Variants in SEPTIN7 observed in about 807,000 individuals in gnomAD.
SEPTIN7 encodes the protein septin 7.
A neutral mutation model predicts 63.3 loss-of-function variants in SEPTIN7; 10 were observed. The observed-to-expected ratio is 0.16, with a 90% CI of 0.10 to 0.27. SEPTIN7 has a LOEUF of 0.27. Ranked by LOEUF, SEPTIN7 falls within the 10% of genes least tolerant of loss-of-function variation. The pLI is 1.00. For synonymous variants in SEPTIN7, 131 were observed against 165.3 expected, an observed-to-expected ratio of 0.79 and a Z score of 1.59; for missense variants, 310 against 521.0, an observed-to-expected ratio of 0.59 and a Z score of 3.94.
rs1392954458 is a variant in SEPTIN7, at chr7:35,906,460, GCCAGC to G, written c.*2169_*2173del. ...AAAATTCAGGTAGGCCTAAGGAAAG[GCCAGC>G]CTGTAGAAAGCAAAATGGCAGTGTC... On this transcript the variant is annotated 3_prime_UTR_variant, in exon 14 of 14. Coordinates refer to ENST00000350320, the MANE Select transcript of SEPTIN7 (RefSeq NM_001788.6). 7 of 152,236 alleles carry G rather than the reference GCCAGC, an allele frequency of 4.6e-5. No individual in the cohort carries two copies. Among genetic ancestry groups the G allele is most frequent in the Admixed American group, 2.6e-4 (4 of 15,276 alleles). The allele number at this position is 152,236 out of a possible 1,614,324, so 9.4% of individuals were successfully genotyped here.
chr7:35,913,548 C>T, the SEPTIN7 span, among the ~76,000 whole-genome samples: 1 of 136,162 alleles, frequency 7.3e-6, no homozygotes, highest in African/African-American at 2.8e-5. Context: ...TCCTTCTTTC[C>T]TTCCTTCCTT....
At chr7:35,910,470 C>G (rs964853413), downstream of SEPTIN7, among the ~76,000 whole-genome samples, 1 of 152,140 alleles carries the variant, frequency 6.6e-6, no homozygotes, top group Non-Finnish European at 1.5e-5. Flanking sequence ...ACAGATGGGT[C>G]TAGTAATGGT....
At chr7:35,882,974 C>G (rs1255779624) in intron 8 of SEPTIN7, among the ~76,000 whole-genome samples, 1 of 151,998 alleles carries the variant, frequency 6.6e-6, no homozygotes, top group Non-Finnish European at 1.5e-5. Context: ...GGAGTAAGTT[C>G]TAGCGTTCTG....
intron 3 of SEPTIN7, among the ~76,000 whole-genome samples, chr7:35,858,364 GTTC>G (rs1785315150): frequency 6.6e-6 from 1 of 152,068 alleles, no homozygotes; most frequent in Admixed American, 6.5e-5. Context: ...GCTGATTTCT[GTTC>G]TTTTTTTGAG....
intron 12 of SEPTIN7, chr7:35,901,286 T>G (rs956316812): frequency 6.6e-6 from 1 of 152,210 alleles, no homozygotes; most frequent in Non-Finnish European, 1.5e-5. Flanking sequence ...AGTTAATTTT[T>G]AAGTTAAGCT....
At chr7:35,833,005 C>G (rs1444456243) in intron 3 of SEPTIN7, 105 bp downstream of exon 3, 3 of 686,072 alleles carry the variant, frequency 4.4e-6, no homozygotes, top group Non-Finnish European at 7.8e-6. Flanking sequence ...CTACAGTGAT[C>G]ATATCTTTGT....
chr7:35,851,292 T>G (rs1784945019), intron 3 of SEPTIN7, among the ~76,000 whole-genome samples: 1 of 152,132 alleles, frequency 6.6e-6, no homozygotes, highest in African/African-American at 2.4e-5. Flanking sequence ...TTGTAAATAT[T>G]ATGTTTTGTT....
intron 10 of SEPTIN7, among the ~76,000 whole-genome samples, chr7:35,887,263 A>T (rs112220030): frequency 6.6e-6 from 1 of 152,234 alleles, no homozygotes; most frequent in Admixed American, 6.5e-5. Flanking sequence ...ATGGCATTCT[A>T]TAACTTTTTC....
intron 1 of SEPTIN7, among the ~76,000 whole-genome samples, chr7:35,804,039 G>A (rs1788170823): frequency 6.6e-6 from 1 of 152,194 alleles, no homozygotes; most frequent in Non-Finnish European, 1.5e-5. Flanking sequence ...CAGTATGGAT[G>A]AGTCAAATCT....
intron 4 of SEPTIN7, among the ~76,000 whole-genome samples, chr7:35,865,145 C>G (rs1785737659): frequency 6.6e-6 from 1 of 151,626 alleles, no homozygotes. Flanking sequence ...AATTTTAATC[C>G]TAAGCAAGAA....
At chr7:35,908,092 T>G (rs1165761066), downstream of SEPTIN7, among the ~76,000 whole-genome samples, 1 of 152,136 alleles carries the variant, frequency 6.6e-6, no homozygotes, top group Non-Finnish European at 1.5e-5. Flanking sequence ...ATAAGGTAAT[T>G]TTGGTCAAAA....
At chr7:35,885,038 C>T (rs1426387096) in intron 9 of SEPTIN7, among the ~76,000 whole-genome samples, 1 of 151,426 alleles carries the variant, frequency 6.6e-6, no homozygotes, top group East Asian at 1.9e-4. Context: ...TTTTAAGAGA[C>T]AAGGTCTTGC....
At chr7:35,809,183 T>C (rs1788545207) in intron 1 of SEPTIN7, among the ~76,000 whole-genome samples, 1 of 152,236 alleles carries the variant, frequency 6.6e-6, no homozygotes, top group Non-Finnish European at 1.5e-5. Flanking sequence ...CTGAATTAAA[T>C]GCTGTGGCAG....
intron 3 of SEPTIN7, among the ~76,000 whole-genome samples, chr7:35,844,138 A>G (rs1784540926): frequency 6.6e-6 from 1 of 152,236 alleles, no homozygotes; most frequent in African/African-American, 2.4e-5. Flanking sequence ...GAAGCGGATG[A>G]CATGAAAATG....
chr7:35,816,433 A>G (rs1789071681), intron 1 of SEPTIN7, among the ~76,000 whole-genome samples: 2 of 152,090 alleles, frequency 1.3e-5, no homozygotes, highest in Non-Finnish European at 2.9e-5. Context: ...ATTGCTGGAT[A>G]TTATTCTGTT....
At chr7:35,862,319 T>C (rs1420594768) in intron 3 of SEPTIN7, among the ~76,000 whole-genome samples, 1 of 152,150 alleles carries the variant, frequency 6.6e-6, no homozygotes, top group Non-Finnish European at 1.5e-5. Context: ...AAAAAAAACC[T>C]CTAAACACAA....
At chr7:35,822,526 A>T (rs1789488290) in intron 1 of SEPTIN7, among the ~76,000 whole-genome samples, 1 of 152,118 alleles carries the variant, frequency 6.6e-6, no homozygotes, top group South Asian at 2.1e-4. Flanking sequence ...TGAGAATCTA[A>T]TGCTGCCGCT....
rs1192771815 is a variant in SEPTIN7 at position 35,863,557 on chromosome 7, T to A, written c.175T>A (p.Ser59Thr). The stretch of plus-strand genomic sequence containing the variant: ...TTTTCCCTTATTTCTTTTAGGTGAA[T>A]CTGGATTGGGAAAGTCGACATTAAT... ...FEFTLMVVGE[S>T]GLGKSTLINS... is the part of the protein sequence containing the mutation. Residue 59 changes from serine (S) to threonine (T), a missense_variant, in exon 4 of 14, where the codon TCT (serine) becomes ACT (threonine). Physicochemically the swap from Ser to Thr is moderately conservative, Grantham distance 58. Transcript: ENST00000350320. 6.3e-7 allele frequency: 1 copy of A among 1,575,374 alleles called. No individual in the cohort carries two copies. Among genetic ancestry groups the A allele is most frequent in the African/African-American group, 1.3e-5 (1 of 74,292 alleles).
chr7:35,843,633 A>G (rs913074764), intron 3 of SEPTIN7, among the ~76,000 whole-genome samples: 1 of 152,234 alleles, frequency 6.6e-6, no homozygotes, highest in Non-Finnish European at 1.5e-5. Context: ...TTGGACTGCC[A>G]TAGAAAAAAA....
Sources: gnomAD v4.1 joint callset for allele counts (sites outside exome capture counted in the v4.1 genomes callset) on GRCh38, gnomAD v4.1.1 for gene constraint, MANE v1.5 for transcripts, NCBI Gene and HGNC (gene_info 2026-07-23, HGNC 2026-07-21) for gene names.